Variants in ADAMTS17 observed in about 807,000 individuals in gnomAD.
ADAMTS17 encodes the protein ADAM metallopeptidase with thrombospondin type 1 motif 17.
Under a neutral mutation model 141.5 loss-of-function variants are expected in ADAMTS17, and 113 were observed. The ratio of observed to expected loss-of-function variants is 0.80; its 90% confidence interval spans 0.69 to 0.93. The LOEUF (loss-of-function observed/expected upper bound fraction) is 0.93. Among genes scored for constraint, ADAMTS17 ranks in the 40% least tolerant of loss-of-function variants. ADAMTS17 has a pLI of 0.00. For synonymous variants in ADAMTS17, 768 were observed against 630.6 expected (o/e 1.22, Z -3.27); for missense variants, 1,659 against 1,517.9 (o/e 1.09, Z -1.54).
chr15:100,325,481 G>A (rs1387017082), intron 3 of ADAMTS17, among the ~76,000 whole-genome samples: 1 of 152,170 alleles, frequency 6.6e-6, no homozygotes, highest in Non-Finnish European at 1.5e-5. Flanking sequence ...AATACGGTTT[G>A]GATGTGTGTC....
At chr15:100,170,122 A>G (rs909978285) in intron 8 of ADAMTS17, among the ~76,000 whole-genome samples, 1 of 151,868 alleles carries the variant, frequency 6.6e-6, no homozygotes, top group African/African-American at 2.4e-5. Context: ...CCAAGTCCAC[A>G]TGGGCTTGGG....
chr15:100,030,263 C>T (rs1032671883), intron 18 of ADAMTS17, among the ~76,000 whole-genome samples: 4 of 152,142 alleles, frequency 2.6e-5, no homozygotes, highest in African/African-American at 9.7e-5. Flanking sequence ...ACGGTGTGGG[C>T]CAGGGCACGT....
At position 100,174,480 on chromosome 15, in the gene ADAMTS17, G is replaced by A. The variant is rs546238658; in HGVS notation, c.1182-19160C>T. Among the ~76,000 whole-genome samples the A allele has an allele frequency of 6.0e-5, 9 of 150,424 alleles. No individual in the cohort carries two copies. The South Asian group carries it at 1.0e-3, about 17-fold the overall frequency. ...ACTGTTTTTCTAACACCAAGGGCTC[G>A]TTTTTGAAATTTCCATGCAGTTTCA... On this transcript the variant is annotated intron_variant, in intron 8 of 21. Transcript: ENST00000268070.
Position 100,339,256 on chromosome 15 carries a change from T to C in ADAMTS17, c.450+1783A>G, listed in dbSNP as rs556772272. 1.2e-5 allele frequency: 9 copies of C among 738,562 alleles called. No homozygotes were observed. In the East Asian group the frequency reaches 1.2e-3, roughly 96 times the overall value. 45.8% of individuals were successfully genotyped at this position (738,562 alleles called of 1,614,324 possible). ...CTATGACAGGGCCCAGCCCTCATTCTGCAAGGATTTTAAATCAATGTTATC... is the reference window on the plus strand; with the variant it reads ...CTATGACAGGGCCCAGCCCTCATTCCGCAAGGATTTTAAATCAATGTTATC... On this transcript the variant is annotated intron_variant, in intron 2 of 21. Coordinates refer to ENST00000268070, the MANE Select transcript of ADAMTS17 (RefSeq NM_139057.4).
intron 2 of ADAMTS17, among the ~76,000 whole-genome samples, chr15:100,334,875 C>G (rs1193694469): frequency 1.3e-5 from 2 of 152,210 alleles, no homozygotes; most frequent in Admixed American, 6.5e-5. Context: ...CCAGCCTGCC[C>G]TTCAGAGTCC....
intron 15 of ADAMTS17, among the ~76,000 whole-genome samples, chr15:100,083,925 A>C (rs971981026): frequency 1.3e-5 from 2 of 152,002 alleles, no homozygotes; most frequent in African/African-American, 4.8e-5. Context: ...GCGATGAAGA[A>C]GACGGGTGAT....
intron 18 of ADAMTS17, among the ~76,000 whole-genome samples, chr15:100,020,736 G>C (rs1292204244): frequency 2.6e-5 from 4 of 152,208 alleles, no homozygotes; most frequent in Non-Finnish European, 5.9e-5. Flanking sequence ...AGACATCCAG[G>C]CTAGAGCCAT....
chr15:100,086,174 A>G (rs968789781), intron 15 of ADAMTS17, among the ~76,000 whole-genome samples: 1 of 152,204 alleles, frequency 6.6e-6, no homozygotes, highest in Non-Finnish European at 1.5e-5. Flanking sequence ...GATGGAAAAC[A>G]GAAAAAGGCA....
chr15:99,974,319 G>A lies in ADAMTS17; in HGVS notation c.*83C>T. On this transcript the variant is annotated 3_prime_UTR_variant, in exon 22 of 22. Coordinates refer to ENST00000268070, the MANE Select transcript of ADAMTS17 (RefSeq NM_139057.4). Reference sequence around the variant, plus strand: ...GGATTCTTGTGGCAGCCGGGTGGGGGCGTGGCCACAAGGCTGGTAGGCTTG... The same window carrying A: ...GGATTCTTGTGGCAGCCGGGTGGGGACGTGGCCACAAGGCTGGTAGGCTTG... The A allele has an allele frequency of 6.3e-7, 1 of 1,576,198 alleles. No individual in the cohort carries two copies. Among genetic ancestry groups the A allele is most frequent in the South Asian group, 1.1e-5 (1 of 90,080 alleles).
At chr15:99,975,610 C>T (rs749954015) in intron 21 of ADAMTS17, among the ~76,000 whole-genome samples, 2 of 152,190 alleles carry the variant, frequency 1.3e-5, no homozygotes, top group South Asian at 4.1e-4. Flanking sequence ...ACCACTCACA[C>T]AGTCTGCAGC....
chr15:100,072,301 G>C (rs2034032279), intron 15 of ADAMTS17, among the ~76,000 whole-genome samples: 1 of 148,584 alleles, frequency 6.7e-6, no homozygotes, highest in Non-Finnish European at 1.5e-5. Flanking sequence ...TGGGTAGGAA[G>C]AATCAATATC....
At chr15:100,055,315 A>T (rs1469997458) in intron 15 of ADAMTS17, among the ~76,000 whole-genome samples, 6 of 152,202 alleles carry the variant, frequency 3.9e-5, no homozygotes, top group African/African-American at 1.4e-4. Context: ...GAGAGTTGAA[A>T]CCCAAAAGGG....
chr15:100,044,085 G>A (rs892424657), intron 18 of ADAMTS17, among the ~76,000 whole-genome samples: 5 of 152,176 alleles, frequency 3.3e-5, no homozygotes, highest in African/African-American at 7.2e-5. Context: ...GCAAAATCAC[G>A]AACTTGATAT....
intron 3 of ADAMTS17, 130 bp from the exon 4 acceptor site, chr15:100,281,531 C>T (rs1273821053): frequency 1.1e-5 from 13 of 1,185,040 alleles, no homozygotes; most frequent in Non-Finnish European, 1.6e-5. Context: ...GGCCCAGCAC[C>T]CAGCAATCTC....
intron 18 of ADAMTS17, among the ~76,000 whole-genome samples, chr15:100,037,805 C>T (rs2030887214): frequency 6.6e-6 from 1 of 152,080 alleles, no homozygotes; most frequent in African/African-American, 2.4e-5. Flanking sequence ...GACAAGGTCT[C>T]ACTCTGTCAC....
rs1010175877 is a variant in ADAMTS17 at position 100,047,283 on chromosome 15, G to A, written c.2591+1574C>T. On this transcript the variant is annotated intron_variant, in intron 18 of 21. Coordinates refer to ENST00000268070, the MANE Select transcript of ADAMTS17 (RefSeq NM_139057.4). ...AACTTCATTAGCAATTTTTCGCCCCGGTCCTGTGGTCCTGTGATCTCGCCC... is the reference window on the plus strand; with the variant it reads ...AACTTCATTAGCAATTTTTCGCCCCAGTCCTGTGGTCCTGTGATCTCGCCC... 6.9e-5 allele frequency among the ~76,000 whole-genome samples: 9 copies of A among 129,882 alleles called. 1 individual carries two copies. The highest frequency in any genetic ancestry group is 2.3e-4 in the African/African-American group (7 of 29,932). The allele number at this position is 129,882 out of a possible 152,430, so 85.2% of individuals were successfully genotyped here.
At chr15:100,089,820 T>C (rs1165938254) in intron 15 of ADAMTS17, among the ~76,000 whole-genome samples, 5 of 86,642 alleles carry the variant, frequency 5.8e-5, no homozygotes, top group Non-Finnish European at 8.9e-5. Context: ...CATCACACAC[T>C]GGGGACTGTT....
intron 17 of ADAMTS17, among the ~76,000 whole-genome samples, chr15:100,049,852 G>T (rs548615956): frequency 6.6e-6 from 1 of 152,208 alleles, no homozygotes; most frequent in Non-Finnish European, 1.5e-5. Context: ...TAACTTCCCT[G>T]TGCCTCAGGG....
At chr15:100,306,569 A>G (rs1285220687) in intron 3 of ADAMTS17, 2 of 455,920 alleles carry the variant, frequency 4.4e-6, no homozygotes, top group African/African-American at 4.0e-5. Context: ...AGGCCCAGAC[A>G]CTGTGGAACT....
Sources: allele counts gnomAD v4.1 joint callset (sites outside exome capture counted in the v4.1 genomes callset), GRCh38; gene constraint gnomAD v4.1.1; transcripts MANE v1.5; gene names NCBI Gene and HGNC (gene_info 2026-07-23, HGNC 2026-07-21).